Variants in SNED1 observed in about 807,000 individuals in gnomAD.
SNED1 encodes the protein sushi, nidogen and EGF-like domain-containing protein 1.
In SNED1, 81 loss-of-function variants were observed where a neutral mutation model predicts 166.7. The observed-to-expected ratio is 0.49, with a 90% CI of 0.41 to 0.58. SNED1 has a LOEUF of 0.58. SNED1 is among the 20% of genes least tolerant of loss of function. The pLI, the probability that SNED1 is intolerant of heterozygous loss-of-function variation, is 0.00. For synonymous variants in SNED1, 762 were observed against 822.0 expected, an observed-to-expected ratio of 0.93 and a Z score of 1.25; for missense variants, 1,604 against 2,000.2, an observed-to-expected ratio of 0.80 and a Z score of 3.78.
At chr2:241,033,636 C>A (rs1261119902) in intron 2 of SNED1, 99 bp from the exon 3 acceptor site, 7 of 1,341,974 alleles carry the variant, frequency 5.2e-6, no homozygotes, top group Non-Finnish European at 6.0e-6. Context: ...AAGCCAGGGG[C>A]CCAGTGGACA....
intron 1 of SNED1, chr2:241,010,730 CAG>C (rs1479438083): frequency 6.6e-6 from 1 of 152,494 alleles, no homozygotes; most frequent in Non-Finnish European, 1.5e-5. Flanking sequence ...GTGTCCAACG[CAG>C]AGCTTTTTCC....
chr2:241,040,093 C>T lies in SNED1; in HGVS notation c.1064C>T (p.Thr355Ile), dbSNP rs1336365272. The T allele has an allele frequency of 5.0e-6, 8 of 1,589,688 alleles. No homozygotes were observed. Among genetic ancestry groups the T allele is most frequent in the Non-Finnish European group, 6.0e-6 (7 of 1,167,898 alleles). ...TCETAQSPCD[T>I]KECQHGGQCQ... ...ACTCTAGCCCAATCCCCCTGTGACACCAAAGAGTGTCAACATGGTGGCCAG... is the reference window on the plus strand; with the variant it reads ...ACTCTAGCCCAATCCCCCTGTGACATCAAAGAGTGTCAACATGGTGGCCAG... The change falls in exon 7 of 32, where the codon ACC becomes ATC. Residue 355 changes from threonine (T) to isoleucine (I), a missense_variant. Transcript: ENST00000310397.
intron 16 of SNED1, among the ~76,000 whole-genome samples, chr2:241,055,647 C>T (rs2062019194): frequency 1.3e-5 from 2 of 152,202 alleles, no homozygotes; most frequent in Admixed American, 1.3e-4. Flanking sequence ...CCAAATTTGT[C>T]ATGCTGCAGG....
chr2:241,030,675 T>C, intron 2 of SNED1, 104 bp downstream of exon 2: 1 of 1,214,488 alleles, frequency 8.2e-7, no homozygotes, highest in Non-Finnish European at 1.2e-6. Flanking sequence ...GTGCAGTCAC[T>C]GGTCCATACC....
Position 241,037,363 on chromosome 2 carries a change from A to ACCCACCGGGG in SNED1, c.1045+16_1045+25dup, listed in dbSNP as rs2061407384. 6 of 1,584,442 alleles carry ACCCACCGGGG rather than the reference A, an allele frequency of 3.8e-6. No homozygotes were observed. The highest frequency in any genetic ancestry group is 5.2e-6 in the Non-Finnish European group (6 of 1,161,146). On this transcript the variant is annotated intron_variant, in intron 6 of 31. Transcript: ENST00000310397. ...CCCACCTGTGAGACAGGTAAGAGGAACCCACCGGGGCCCACGGGGCCCTGC... is the reference window on the plus strand; with the variant it reads ...CCCACCTGTGAGACAGGTAAGAGGAACCCACCGGGGCCCACCGGGGCCCACGGGGCCCTGC...
chr2:241,000,815 G>C (rs897681817), intron 1 of SNED1, among the ~76,000 whole-genome samples: 1 of 152,230 alleles, frequency 6.6e-6, no homozygotes, highest in African/African-American at 2.4e-5. Context: ...ACCATTTGCC[G>C]ATGTGGACAC....
chr2:241,081,820 C>G, intron 28 of SNED1, 27 bp downstream of exon 28: 1 of 1,499,832 alleles, frequency 6.7e-7, no homozygotes, highest in South Asian at 1.2e-5. Context: ...CCTCAGGGCG[C>G]CCCTTCCAAC....
intron 21 of SNED1, 34 bp downstream of exon 21, chr2:241,065,629 G>C (rs2062410544): frequency 6.3e-7 from 1 of 1,593,264 alleles, no homozygotes; most frequent in Admixed American, 1.7e-5. Flanking sequence ...TCCCTGCCCA[G>C]CCCCTGCCCC....
At chr2:240,998,480 G>A (rs1161359060), upstream of SNED1, among the ~76,000 whole-genome samples, 1 of 152,168 alleles carries the variant, frequency 6.6e-6, no homozygotes, top group Non-Finnish European at 1.5e-5. Flanking sequence ...CTGTGCCCAC[G>A]CCAGGGGACT....
chr2:240,997,728 G>C (rs1187515172), upstream of SNED1, among the ~76,000 whole-genome samples: 3 of 152,190 alleles, frequency 2.0e-5, no homozygotes, highest in Non-Finnish European at 4.4e-5. Flanking sequence ...GGGGGCCCCA[G>C]TGTGGCACGC....
chr2:240,998,319 C>T (rs1274240534), upstream of SNED1, among the ~76,000 whole-genome samples: 2 of 152,244 alleles, frequency 1.3e-5, no homozygotes, highest in East Asian at 3.9e-4. Context: ...CGTGATGACA[C>T]GCCTTCAGGG....
chr2:241,079,479 G>T (rs2063220256), intron 27 of SNED1, among the ~76,000 whole-genome samples: 1 of 151,570 alleles, frequency 6.6e-6, no homozygotes, highest in South Asian at 2.1e-4. Flanking sequence ...GTAGGAAAAT[G>T]GAGAAGGGAA....
intron 1 of SNED1, chr2:241,010,664 G>A (rs1004150183): frequency 4.6e-5 from 7 of 152,512 alleles, no homozygotes; most frequent in African/African-American, 1.7e-4. Context: ...CAGCCTGAGA[G>A]AGGAGGGTGA....
intron 16 of SNED1, among the ~76,000 whole-genome samples, chr2:241,056,811 G>T (rs1349778483): frequency 6.6e-6 from 1 of 151,640 alleles, no homozygotes; most frequent in Non-Finnish European, 1.5e-5. Flanking sequence ...TCGATCTCCT[G>T]ACCTCGTGAT....
At chr2:241,057,094 A>C (rs1441790546) in intron 16 of SNED1, among the ~76,000 whole-genome samples, 4 of 151,724 alleles carry the variant, frequency 2.6e-5, no homozygotes. Context: ...AAATATTGAA[A>C]TAGGTTGGGT....
At chr2:241,044,977 GTTAC>G (rs2061611663) in intron 8 of SNED1, among the ~76,000 whole-genome samples, 1 of 152,162 alleles carries the variant, frequency 6.6e-6, no homozygotes, top group South Asian at 2.1e-4. Context: ...ACTCCATAAA[GTTAC>G]TTATGAACTC....
In SNED1 at chr2:241,053,222, CGGTGGCCCT is replaced by C; in HGVS notation, c.2155_2163del (p.Val719_Leu721del). 3 of 1,609,288 alleles carry C rather than the reference CGGTGGCCCT, an allele frequency of 1.9e-6. No individual in the cohort carries two copies. The East Asian group carries it at 6.7e-5, about 36-fold the overall frequency. On this transcript the variant is annotated inframe_deletion, in exon 16 of 32. Coordinates refer to ENST00000310397, the MANE Select transcript of SNED1 (RefSeq NM_001080437.3). ...CGCTTCAACGGCACGCGGCTGGGCG[CGGTGGCCCT>C]GTATGCATGTGACCGTGGCTACAGC...
chr2:241,070,284 GGGCCTGGGAT>G, intron 24 of SNED1, 83 bp downstream of exon 24: 1 of 1,404,600 alleles, frequency 7.1e-7, no homozygotes, highest in Non-Finnish European at 9.5e-7. Flanking sequence ...GGCCCTGCAG[GGGCCTGGGAT>G]GCCAGGCAGA....
In SNED1 at chr2:241,036,882, C is replaced by A. The variant is rs1410420277; in HGVS notation, c.898C>A (p.Leu300Ile). Residue 300 changes from leucine to isoleucine, a missense_variant, in exon 5 of 32, where the codon CTC (leucine) becomes ATC (isoleucine). Coordinates refer to ENST00000310397, the MANE Select transcript of SNED1 (RefSeq NM_001080437.3). ...CAACCCCTCCTACACCTGCTCCTGC[C>A]TCTCGGGCTTCACGGGGCGGAGGTG... ...TGNPSYTCSC[L>I]SGFTGRRCHL... The A allele has an allele frequency of 1.2e-6, 2 of 1,611,784 alleles. No homozygotes were observed. Among genetic ancestry groups the A allele is most frequent in the Non-Finnish European group, 8.5e-7 (1 of 1,179,634 alleles).
Sources: gnomAD v4.1 joint callset for allele counts (sites outside exome capture counted in the v4.1 genomes callset) on GRCh38, gnomAD v4.1.1 for gene constraint, MANE v1.5 for transcripts, NCBI Gene and HGNC (gene_info 2026-07-23, HGNC 2026-07-21) for gene names.